The following TET3 variants were observed in gnomAD, a reference collection of about 807,000 sequenced individuals.
The protein encoded by TET3 is tet methylcytosine dioxygenase 3, also known as methylcytosine dioxygenase TET3.
TET3 carries 19 observed loss-of-function variants against 141.4 expected under a neutral mutation model. The ratio of observed to expected loss-of-function variants is 0.13; its 90% CI spans 0.09 to 0.20. TET3 has a LOEUF of 0.20. Ranked by LOEUF, TET3 falls within the 10% of genes least tolerant of loss-of-function variation. The probability of loss-of-function intolerance (pLI) is 1.00; values close to 1 mark genes in which losing one functional copy is unlikely to be tolerated. For synonymous variants in TET3, 1,043 were observed against 980.9 expected (o/e 1.06, Z -1.18); for missense variants, 1,874 against 2,356.9 (o/e 0.80, Z 4.24).
At chr2:74,067,452 CAT>C (rs138123238) in intron 4 of TET3, among the ~76,000 whole-genome samples, 1,883 of 152,312 alleles carry the variant, frequency 0.012, 14 homozygotes, top group South Asian at 0.022. Flanking sequence ...GTATTTTACA[CAT>C]AGAGGCATGA....
At position 74,101,299 on chromosome 2, in the gene TET3, C is replaced by T; in HGVS notation, c.4511C>T (p.Ser1504Phe). Residue 1504 changes from serine (S) to phenylalanine (F), a missense_variant, in exon 12 of 12, where the codon TCT becomes TTT. Coordinates refer to ENST00000409262, the MANE Select transcript of TET3 (RefSeq NM_001287491.2). The surrounding 1 kb of genome is among the most constrained non-coding windows in gnomAD (Gnocchi z 8.5). ...PGEGQQAASH[S>F]GGRLRGKPWS... ...GAGGGGCAGCAGGCAGCTTCCCACT[C>T]TGGAGGACGGCTGCGAGGCAAACCG... 6.2e-7 allele frequency: 1 copy of T among 1,613,178 alleles called. No individual in the cohort carries two copies. Among genetic ancestry groups the T allele is most frequent in the Non-Finnish European group, 8.5e-7 (1 of 1,179,616 alleles).
At chr2:74,113,379 C>T in the TET3 span, among the ~76,000 whole-genome samples, 1 of 151,806 alleles carries the variant, frequency 6.6e-6, no homozygotes, top group East Asian at 1.9e-4. Flanking sequence ...GTGTGAGACT[C>T]CGTCAAAAAA....
rs757887730 is a variant in TET3 at position 74,093,720 on chromosome 2, C to A, written c.3267+54C>A. 6.1e-6 allele frequency: 9 copies of A among 1,478,710 alleles called. No homozygotes were observed. The highest frequency in any genetic ancestry group is 8.1e-6 in the Non-Finnish European group (9 of 1,105,046). 91.6% of individuals were successfully genotyped at this position (1,478,710 alleles called of 1,614,324 possible). A position where few individuals can be genotyped will look rare whatever the true frequency, so the allele number is the denominator to read the frequency against. ...CTGTGGGGCAACTGTGGGAGGGAGT[C>A]CACCGTGGTCTTTTCAGAAAGGCAG... On this transcript the variant is annotated intron_variant, in intron 10 of 11. Transcript: ENST00000409262. This position sits in a 1 kb window ranked among gnomAD's most constrained non-coding sequence, Gnocchi z 4.2.
At chr2:74,031,554 C>T (rs771611818) in intron 3 of TET3, among the ~76,000 whole-genome samples, 1 of 152,146 alleles carries the variant, frequency 6.6e-6, no homozygotes, top group Non-Finnish European at 1.5e-5. Flanking sequence ...AGTTGTGTGA[C>T]TTTTCCAGGA....
At chr2:73,989,306 T>C (rs1313283215) in intron 2 of TET3, among the ~76,000 whole-genome samples, 5 of 152,190 alleles carry the variant, frequency 3.3e-5, no homozygotes, top group East Asian at 3.8e-4. Flanking sequence ...CTCTCGGACA[T>C]CAGACCATTT....
intron 5 of TET3, 73 bp from the exon 6 acceptor site, chr2:74,080,425 C>T: frequency 4.6e-6 from 6 of 1,316,764 alleles, no homozygotes; most frequent in South Asian, 1.3e-5. Flanking sequence ...CACACTGAGG[C>T]TGTCTTCTGA....
intron 3 of TET3, among the ~76,000 whole-genome samples, chr2:74,018,092 C>T (rs1212683020): frequency 6.6e-6 from 1 of 151,804 alleles, no homozygotes; most frequent in Non-Finnish European, 1.5e-5. Context: ...CTCAGCCTCC[C>T]GAGTAGCTGG....
Position 74,102,160 on chromosome 2 carries a change from A to T in TET3, c.5372A>T (p.Tyr1791Phe). ...GCCTACACGAAGGTCACTGGCCCCT[A>T]CAGCCGCTGGATCTAGGTGCCAGGG... ...SYAYTKVTGP[Y>F]SRWI Residue 1791 changes from tyrosine (Y) to phenylalanine (F), a missense_variant, in exon 12 of 12, where the codon TAC becomes TTC. By Grantham distance (22) the Tyr-to-Phe change is conservative. Coordinates refer to ENST00000409262, the MANE Select transcript of TET3 (RefSeq NM_001287491.2). The T allele has an allele frequency of 6.2e-6, 9 of 1,445,554 alleles. No individual in the cohort carries two copies. Among genetic ancestry groups the T allele is most frequent in the Non-Finnish European group, 8.2e-6 (9 of 1,097,136 alleles). The allele number at this position is 1,445,554 out of a possible 1,614,324, so 89.5% of individuals were successfully genotyped here.
At chr2:73,987,603 C>G (rs1009040089) in intron 2 of TET3, among the ~76,000 whole-genome samples, 1 of 152,172 alleles carries the variant, frequency 6.6e-6, no homozygotes, top group African/African-American at 2.4e-5. Flanking sequence ...GCGGTGTAGC[C>G]GCTGAGGTCG....
the TET3 span, among the ~76,000 whole-genome samples, chr2:74,133,739 TTC>T: frequency 1.3e-5 from 2 of 152,172 alleles, no homozygotes; most frequent in Admixed American, 1.3e-4. Context: ...TTTCACTTTA[TTC>T]TGTTTTTTTG....
At chr2:74,009,740 C>T (rs1685327886) in intron 3 of TET3, among the ~76,000 whole-genome samples, 1 of 152,300 alleles carries the variant, frequency 6.6e-6, no homozygotes, top group African/African-American at 2.4e-5. Flanking sequence ...CCTCTAAGGA[C>T]ATGCTTTGTG....
intron 2 of TET3, 36 bp downstream of exon 2, chr2:73,986,742 C>T (rs1052307348): frequency 7.3e-6 from 9 of 1,230,934 alleles, no homozygotes; most frequent in African/African-American, 3.1e-5. Context: ...CTGTTCCTTC[C>T]TCGAGGGCAC....
At chr2:74,025,642 G>A (rs984845840) in intron 3 of TET3, among the ~76,000 whole-genome samples, 4 of 152,126 alleles carry the variant, frequency 2.6e-5, no homozygotes, top group African/African-American at 9.7e-5. Flanking sequence ...TGTGGATACA[G>A]CATTATTATA....
At chr2:74,085,710 G>GCTGCTCACCTC (rs1321154194) in intron 6 of TET3, among the ~76,000 whole-genome samples, 1 of 152,232 alleles carries the variant, frequency 6.6e-6, no homozygotes, top group Non-Finnish European at 1.5e-5. Context: ...CCGCTCGCCT[G>GCTGCTCACCTC]CTGCTCACCT....
intron 5 of TET3, among the ~76,000 whole-genome samples, chr2:74,074,557 A>G (rs112487467): frequency 2.0e-5 from 3 of 152,358 alleles, no homozygotes; most frequent in Middle Eastern, 3.4e-3. Flanking sequence ...GTTCGAGTCT[A>G]TGGCTCAGGG....
In TET3 at chr2:74,107,659, C is replaced by T. The variant is rs1328329452; in HGVS notation, c.*5483C>T. On this transcript the variant is annotated 3_prime_UTR_variant, in exon 12 of 12. Coordinates refer to ENST00000409262, the MANE Select transcript of TET3 (RefSeq NM_001287491.2). Reference sequence around the variant, plus strand: ...ATACATTAGACTTAATCTAGAACCCCTGTAGCTTTTTGATGTGTTTTATTT... The same window carrying T: ...ATACATTAGACTTAATCTAGAACCCTTGTAGCTTTTTGATGTGTTTTATTT... The T allele has an allele frequency of 6.6e-6, 1 of 152,164 alleles. No individual in the cohort carries two copies. The highest frequency in any genetic ancestry group is 2.4e-5 in the African/African-American group (1 of 41,434). The allele number at this position is 152,164 out of a possible 1,614,324, so 9.4% of individuals were successfully genotyped here. A position where few individuals can be genotyped will look rare whatever the true frequency, so the allele number is the denominator to read the frequency against.
At chr2:74,124,738 A>G in the TET3 span, among the ~76,000 whole-genome samples, 2 of 152,106 alleles carry the variant, frequency 1.3e-5, no homozygotes, top group African/African-American at 4.8e-5. Flanking sequence ...ATGCTCGTTA[A>G]GAGTCATCAC....
chr2:74,071,835 A>T (rs1242945803), intron 4 of TET3, among the ~76,000 whole-genome samples: 6 of 152,210 alleles, frequency 3.9e-5, no homozygotes, highest in African/African-American at 1.2e-4. Context: ...CAAAGCTGCT[A>T]CTATGTAGCC....
chr2:74,020,250 T>A (rs1685962765), intron 3 of TET3, among the ~76,000 whole-genome samples: 3 of 152,202 alleles, frequency 2.0e-5, no homozygotes, highest in African/African-American at 7.2e-5. Flanking sequence ...AGTGGCATGA[T>A]CTTAGCTTAC....
Sources: allele counts gnomAD v4.1 joint callset (sites outside exome capture counted in the v4.1 genomes callset), GRCh38; gene constraint gnomAD v4.1.1; non-coding constraint Gnocchi (gnomAD v3.1); transcripts MANE v1.5; gene names NCBI Gene and HGNC (gene_info 2026-07-23, HGNC 2026-07-21).